The following RIMS1 variants were observed in gnomAD, a reference collection of about 807,000 sequenced individuals.
RIMS1 encodes the protein regulating synaptic membrane exocytosis 1.
Under a neutral mutation model 214.1 loss-of-function variants are expected in RIMS1, and 83 were observed. That is an observed-to-expected ratio of 0.39 (90% CI 0.32 to 0.47). The LOEUF (loss-of-function observed/expected upper bound fraction) is 0.47, where lower values mean the gene tolerates loss of function less well. Ranked by LOEUF, RIMS1 falls within the 20% of genes least tolerant of loss-of-function variation. The pLI is 0.99. For synonymous variants in RIMS1, 793 were observed against 786.8 expected, an observed-to-expected ratio of 1.01 and a Z score of -0.13; for missense variants, 2,050 against 2,161.8, an observed-to-expected ratio of 0.95 and a Z score of 1.03.
intron 2 of RIMS1, among the ~76,000 whole-genome samples, chr6:71,996,964 A>G (rs979156662): frequency 1.4e-4 from 22 of 152,314 alleles, no homozygotes; most frequent in Admixed American, 4.6e-4. Context: ...CTGCTCTATA[A>G]TCATAAAGTG....
intron 1 of RIMS1, among the ~76,000 whole-genome samples, chr6:71,947,218 A>C (rs1314975751): frequency 6.6e-6 from 1 of 152,112 alleles, no homozygotes; most frequent in Non-Finnish European, 1.5e-5. Flanking sequence ...TATCCAAAAA[A>C]TATGAAATCA....
intron 4 of RIMS1, among the ~76,000 whole-genome samples, chr6:72,110,201 A>G (rs1271953783): frequency 6.6e-6 from 1 of 152,092 alleles, no homozygotes; most frequent in East Asian, 1.9e-4. Flanking sequence ...TTTTGGTTCC[A>G]TATGAACTTT....
At chr6:72,384,443 C>T (rs2098550225) in intron 29 of RIMS1, among the ~76,000 whole-genome samples, 1 of 152,150 alleles carries the variant, frequency 6.6e-6, no homozygotes, top group African/African-American at 2.4e-5. Context: ...ACTGTGGTCA[C>T]GTCTATATTT....
chr6:72,093,299 A>G (rs1836861059), intron 2 of RIMS1, among the ~76,000 whole-genome samples: 1 of 148,878 alleles, frequency 6.7e-6, no homozygotes, highest in African/African-American at 2.4e-5. Flanking sequence ...GAACTCAATA[A>G]GATTAACTAG....
At chr6:72,227,072 C>T (rs1452931748) in intron 6 of RIMS1, among the ~76,000 whole-genome samples, 2 of 151,910 alleles carry the variant, frequency 1.3e-5, no homozygotes, top group Non-Finnish European at 2.9e-5. Flanking sequence ...CACAAGTCTC[C>T]AACTCGGAGT....
intron 2 of RIMS1, among the ~76,000 whole-genome samples, chr6:71,990,791 G>C (rs920704564): frequency 4.6e-5 from 7 of 151,942 alleles, no homozygotes; most frequent in Admixed American, 4.6e-4. Flanking sequence ...GTGTGGCCTG[G>C]GGTGAGGCTG....
At position 71,957,399 on chromosome 6, in the gene RIMS1, A is replaced by G. The variant is rs546258830; in HGVS notation, c.165-11584A>G. 4.0e-4 allele frequency among the ~76,000 whole-genome samples: 61 copies of G among 152,290 alleles called. No individual in the cohort carries two copies. The South Asian group carries it at 0.012, about 31-fold the overall frequency. On this transcript the variant is annotated intron_variant, in intron 1 of 33. Transcript: ENST00000521978. ...TAAACATTTTTAAAATAATATTCCA[A>G]TAGTAAGGAATTTTTAACAATAGAG...
chr6:71,976,396 A>G (rs1415139249), intron 2 of RIMS1, among the ~76,000 whole-genome samples: 2 of 152,134 alleles, frequency 1.3e-5, no homozygotes, highest in Non-Finnish European at 2.9e-5. Context: ...CGTTTTAAGA[A>G]TAAAATTGGG....
At chr6:72,354,578 T>G (rs993459526) in intron 29 of RIMS1, among the ~76,000 whole-genome samples, 1 of 152,254 alleles carries the variant, frequency 6.6e-6, no homozygotes, top group Non-Finnish European at 1.5e-5. Flanking sequence ...TTAGATGCTC[T>G]GTATGCTATG....
intron 29 of RIMS1, among the ~76,000 whole-genome samples, chr6:72,341,154 A>C (rs2097074343): frequency 6.6e-6 from 1 of 152,036 alleles, no homozygotes; most frequent in Non-Finnish European, 1.5e-5. Context: ...ACTTTGCTGA[A>C]GTTGTTTACA....
rs1221360018 is a variant in RIMS1, at chr6:72,401,854, T to C, written c.*1140T>C. ...TGAAATATTCTGCACTAAACTATTG[T>C]TTTTATTGAATTTTAGTTTACATTT... On this transcript the variant is annotated 3_prime_UTR_variant, in exon 34 of 34. Transcript: ENST00000521978. 1 of 152,674 alleles carries C rather than the reference T, an allele frequency of 6.5e-6. No individual in the cohort carries two copies. Among genetic ancestry groups the C allele is most frequent in the Non-Finnish European group, 1.5e-5 (1 of 68,040 alleles). The allele number at this position is 152,674 out of a possible 1,614,324, so 9.5% of individuals were successfully genotyped here. A position where few individuals can be genotyped will look rare whatever the true frequency, so the allele number is the denominator to read the frequency against.
intron 4 of RIMS1, among the ~76,000 whole-genome samples, chr6:72,104,356 G>A (rs535973338): frequency 1.3e-5 from 2 of 152,130 alleles, no homozygotes; most frequent in African/African-American, 2.4e-5. Flanking sequence ...ACTTTCAGTA[G>A]CATTTGAACA....
At chr6:72,082,649 C>T (rs544531074) in intron 2 of RIMS1, among the ~76,000 whole-genome samples, 4 of 152,216 alleles carry the variant, frequency 2.6e-5, no homozygotes, top group South Asian at 4.1e-4. Flanking sequence ...GGTCAAGAAG[C>T]AAGTAATATA....
rs2095963086 is a variant in RIMS1, at chr6:72,318,628, AC to A, written c.4130+4958del. Among the ~76,000 whole-genome samples the A allele has an allele frequency of 5.9e-5, 9 of 152,170 alleles. No individual in the cohort carries two copies. The South Asian group carries it at 1.9e-3, about 32-fold the overall frequency. ...GCTAACCATTTTTCGTGCATCTTAG[AC>A]CTTCATTCTGGATCATTCTCCTCTC... On this transcript the variant is annotated intron_variant, in intron 28 of 33. Transcript: ENST00000521978.
At chr6:72,169,246 A>G (rs1006715966) in intron 4 of RIMS1, among the ~76,000 whole-genome samples, 1 of 152,212 alleles carries the variant, frequency 6.6e-6, no homozygotes, top group Non-Finnish European at 1.5e-5. Flanking sequence ...ATGTTTTACA[A>G]TGCAAATACT....
In RIMS1 at chr6:72,369,627, A is replaced by T. The variant is rs951311918; in HGVS notation, c.4367-20971A>T. On this transcript the variant is annotated intron_variant, in intron 29 of 33. Transcript: ENST00000521978. Reference sequence around the variant, plus strand: ...TGATTGAATTAGGCACACTCAAATTATCTGAAATAATCTCCCTTACTTAAA... The same window carrying T: ...TGATTGAATTAGGCACACTCAAATTTTCTGAAATAATCTCCCTTACTTAAA... Among the ~76,000 whole-genome samples, 49 of 152,212 alleles carry T rather than the reference A, an allele frequency of 3.2e-4. 1 individual carries two copies. The highest frequency in any genetic ancestry group is 1.2e-3 in the African/African-American group (49 of 41,454).
chr6:71,967,669 A>G (rs940639841), intron 1 of RIMS1, among the ~76,000 whole-genome samples: 4 of 152,206 alleles, frequency 2.6e-5, no homozygotes, highest in Admixed American at 2.0e-4. Flanking sequence ...CTCTTGACCA[A>G]TTCATCGAAA....
rs773704223 is a variant in RIMS1, at chr6:72,349,224, G to A, written c.4366+15389G>A. ...AAGCTTAACAGACTTTATGTTCTAGGTCTACAAGGAGGTAAAAAACATTCT... is the reference window on the plus strand; with the variant it reads ...AAGCTTAACAGACTTTATGTTCTAGATCTACAAGGAGGTAAAAAACATTCT... On this transcript the variant is annotated intron_variant, in intron 29 of 33. Coordinates refer to ENST00000521978, the MANE Select transcript of RIMS1 (RefSeq NM_014989.7). 1.4e-4 allele frequency among the ~76,000 whole-genome samples: 21 copies of A among 152,092 alleles called. No homozygotes were observed. In the Middle Eastern group the frequency reaches 0.01, roughly 74 times the overall value.
intron 29 of RIMS1, among the ~76,000 whole-genome samples, chr6:72,350,824 T>C (rs2097422507): frequency 6.6e-6 from 1 of 152,128 alleles, no homozygotes; most frequent in African/African-American, 2.4e-5. Flanking sequence ...AGCCCTTTCA[T>C]GCTCACCAGC....
Sources: allele counts gnomAD v4.1 joint callset (sites outside exome capture counted in the v4.1 genomes callset), GRCh38; gene constraint gnomAD v4.1.1; transcripts MANE v1.5; gene names NCBI Gene and HGNC (gene_info 2026-07-23, HGNC 2026-07-21).